TXK: variants seen among roughly 807,000 people sequenced by gnomAD.
TXK encodes the protein TXK tyrosine kinase.
TXK carries 60 observed loss-of-function variants against 81.0 expected under a neutral mutation model. The observed-to-expected ratio is 0.74, with a 90% CI of 0.60 to 0.92. The LOEUF is 0.92. Among genes scored for constraint, TXK ranks in the 40% least tolerant of loss-of-function variants. TXK has a pLI of 0.00. For missense variants in TXK, 581 were observed against 638.3 expected, an observed-to-expected ratio of 0.91 and a Z score of 0.97; for synonymous variants, 203 against 210.7, an observed-to-expected ratio of 0.96 and a Z score of 0.32.
chr4:48,133,521 T>A (rs969790956), intron 1 of TXK, among the ~76,000 whole-genome samples: 4 of 152,228 alleles, frequency 2.6e-5, no homozygotes, highest in Non-Finnish European at 5.9e-5. Flanking sequence ...TTACTCAGGC[T>A]CTGACTGCAG....
intron 6 of TXK, among the ~76,000 whole-genome samples, chr4:48,096,963 TCTTATTA>T (rs1212507047): frequency 6.6e-6 from 1 of 152,124 alleles, no homozygotes; most frequent in African/African-American, 2.4e-5. Context: ...AAATTTATAG[TCTTATTA>T]CTTATATCAA....
intron 14 of TXK, among the ~76,000 whole-genome samples, chr4:48,069,174 T>G (rs1716734560): frequency 6.6e-6 from 1 of 151,922 alleles, no homozygotes. Context: ...TGGTGGCACA[T>G]CACTGTAGTC....
intron 4 of TXK, among the ~76,000 whole-genome samples, chr4:48,111,420 A>G (rs899696853): frequency 2.0e-5 from 3 of 152,228 alleles, no homozygotes; most frequent in African/African-American, 7.2e-5. Flanking sequence ...GTAGTGGCAA[A>G]GCAGAATTTT....
chr4:48,134,101 T>A (rs1719316828), intron 1 of TXK, 54 bp downstream of exon 1: 14 of 1,599,530 alleles, frequency 8.8e-6, no homozygotes, highest in Non-Finnish European at 1.2e-5. Context: ...TGTTCAAGAA[T>A]AACAGGCCCC....
intron 8 of TXK, among the ~76,000 whole-genome samples, chr4:48,091,598 C>T (rs1717778814): frequency 6.6e-6 from 1 of 151,902 alleles, no homozygotes. Context: ...CTCCGCCTCT[C>T]AGGTTCAAGC....
intron 5 of TXK, among the ~76,000 whole-genome samples, chr4:48,107,769 T>G (rs1212122538): frequency 6.6e-6 from 1 of 151,372 alleles, no homozygotes; most frequent in East Asian, 1.9e-4. Context: ...GATTTAAAAT[T>G]GTACATTTAT....
intron 2 of TXK, 30 bp from the exon 3 acceptor site, chr4:48,113,339 T>A: frequency 6.5e-7 from 1 of 1,545,124 alleles, no homozygotes; most frequent in Non-Finnish European, 8.9e-7. Context: ...ATGTTACAAA[T>A]AATTATTTGT....
intron 10 of TXK, among the ~76,000 whole-genome samples, chr4:48,084,043 A>C (rs1374921914): frequency 6.6e-6 from 1 of 152,194 alleles, no homozygotes; most frequent in East Asian, 1.9e-4. Context: ...TTTGCAATAG[A>C]ATGTTAGAAT....
chr4:48,100,810 A>T (rs1718162923), intron 6 of TXK, among the ~76,000 whole-genome samples: 1 of 152,180 alleles, frequency 6.6e-6, no homozygotes, highest in Non-Finnish European at 1.5e-5. Context: ...AATTGGTTTT[A>T]AAAATTGTGA....
At chr4:48,098,345 A>T in intron 6 of TXK, among the ~76,000 whole-genome samples, 1 of 152,230 alleles carries the variant, frequency 6.6e-6, no homozygotes, top group Non-Finnish European at 1.5e-5. Flanking sequence ...GAATTGCATG[A>T]TGAATGTAAG....
chr4:48,086,835 T>A (rs528474241), intron 9 of TXK, among the ~76,000 whole-genome samples, 198 bp from the exon 10 acceptor site: 2 of 152,326 alleles, frequency 1.3e-5, no homozygotes, highest in Admixed American at 6.5e-5. Flanking sequence ...ACACAAACTT[T>A]ATTTATTTGG....
intron 8 of TXK, among the ~76,000 whole-genome samples, chr4:48,091,939 G>A (rs576179871): frequency 6.6e-6 from 1 of 152,360 alleles, no homozygotes; most frequent in East Asian, 1.9e-4. Flanking sequence ...GCACTAGAAG[G>A]TAGGGAGAGG....
intron 1 of TXK, among the ~76,000 whole-genome samples, chr4:48,133,558 A>C (rs1349364874): frequency 6.6e-6 from 1 of 152,156 alleles, no homozygotes; most frequent in Non-Finnish European, 1.5e-5. Context: ...CCTAAATTTC[A>C]ATTGCTTGGG....
At chr4:48,088,391 T>C (rs892412871) in intron 9 of TXK, among the ~76,000 whole-genome samples, 1 of 152,182 alleles carries the variant, frequency 6.6e-6, no homozygotes, top group Non-Finnish European at 1.5e-5. Context: ...ACAATATTAT[T>C]TGTAAGAGCC....
chr4:48,074,180 T>C lies in TXK; in HGVS notation c.1239-127A>G, dbSNP rs534394394. ...TTACCCCAGAAAGGTTGTGGATGCC[T>C]TCTTGTTAGTAGAGTGTGAAAGTGT... On this transcript the variant is annotated intron_variant, in intron 12 of 14. Transcript: ENST00000264316. 4 of 669,032 alleles carry C rather than the reference T, an allele frequency of 6.0e-6. No individual in the cohort carries two copies. In the South Asian group the frequency reaches 8.0e-5, roughly 13 times the overall value. The allele number at this position is 669,032 out of a possible 1,614,324, so 41.4% of individuals were successfully genotyped here.
chr4:48,076,089 CAT>C (rs1717058643), intron 12 of TXK, among the ~76,000 whole-genome samples: 1 of 152,190 alleles, frequency 6.6e-6, no homozygotes, highest in Admixed American at 6.5e-5. Context: ...CTTCCATAAA[CAT>C]ATGTATATCA....
chr4:48,082,621 C>A (rs1407805631), intron 10 of TXK, among the ~76,000 whole-genome samples: 1 of 152,160 alleles, frequency 6.6e-6, no homozygotes, highest in Non-Finnish European at 1.5e-5. Flanking sequence ...CAGGAAAGTC[C>A]TCACCCTCAA....
chr4:48,116,460 T>G (rs1180924788), intron 1 of TXK, among the ~76,000 whole-genome samples: 2 of 152,128 alleles, frequency 1.3e-5, no homozygotes, highest in African/African-American at 2.4e-5. Context: ...AAGGATTTAT[T>G]TATAAAAGGA....
chr4:48,075,269 TTG>T (rs1406492153), intron 12 of TXK, among the ~76,000 whole-genome samples: 1 of 152,086 alleles, frequency 6.6e-6, no homozygotes, highest in Admixed American at 6.6e-5. Context: ...GGTGGAGCCC[TTG>T]GAAAGGCAGA....
Sources: allele counts gnomAD v4.1 joint callset (sites outside exome capture counted in the v4.1 genomes callset), GRCh38; gene constraint gnomAD v4.1.1; transcripts MANE v1.5; gene names NCBI Gene and HGNC (gene_info 2026-07-23, HGNC 2026-07-21).